ESRRG: variants seen among roughly 807,000 people sequenced by gnomAD.
ESRRG encodes the protein estrogen-related receptor gamma.
In ESRRG, 13 loss-of-function variants were observed where a neutral mutation model predicts 44.0. The ratio of observed to expected loss-of-function variants is 0.30; its 90% confidence interval spans 0.19 to 0.47. The LOEUF (loss-of-function observed/expected upper bound fraction) is 0.47, where lower values mean the gene tolerates loss of function less well. ESRRG is among the 20% of genes least tolerant of loss of function. ESRRG has a pLI of 1.00. For missense variants in ESRRG, 395 were observed against 580.6 expected (o/e 0.68, Z 3.29); for synonymous variants, 215 against 214.6 (o/e 1.00, Z -0.02).
At chr1:217,089,773 G>T (rs2092301421), upstream of ESRRG, 1 of 152,042 alleles carries the variant, frequency 6.6e-6, no homozygotes, top group Admixed American at 6.6e-5. Flanking sequence ...CGTCCCGAGC[G>T]GCTGTGCACT....
intron 2 of ESRRG, among the ~76,000 whole-genome samples, chr1:216,896,735 G>A (rs780932936): frequency 1.3e-5 from 2 of 152,122 alleles, no homozygotes; most frequent in African/African-American, 2.4e-5. Context: ...TCCAATAAGA[G>A]ATTTCATGCC....
intron 2 of ESRRG, among the ~76,000 whole-genome samples, chr1:216,831,994 T>C (rs1403526921): frequency 6.6e-6 from 1 of 152,236 alleles, no homozygotes; most frequent in Non-Finnish European, 1.5e-5. Context: ...CAAATGATTC[T>C]TCATGCTTTA....
chr1:217,092,417 T>G (rs2092362794), upstream of ESRRG, among the ~76,000 whole-genome samples: 1 of 152,166 alleles, frequency 6.6e-6, no homozygotes, highest in African/African-American at 2.4e-5. Context: ...AATGGAAGTA[T>G]TATTATCCCC....
At chr1:216,977,066 GCT>G in intron 1 of ESRRG, among the ~76,000 whole-genome samples, 1 of 152,082 alleles carries the variant, frequency 6.6e-6, no homozygotes, top group Admixed American at 6.6e-5. Context: ...AATCTTGCTC[GCT>G]CTCTCTTATT....
intron 2 of ESRRG, among the ~76,000 whole-genome samples, chr1:216,758,944 T>C (rs2092616608): frequency 6.6e-6 from 1 of 152,064 alleles, no homozygotes; most frequent in Admixed American, 6.6e-5. Context: ...AAGGTATTAT[T>C]ATCCCCATTT....
intron 3 of ESRRG, among the ~76,000 whole-genome samples, chr1:216,626,702 G>T (rs149486706): frequency 1.4e-4 from 21 of 152,240 alleles, no homozygotes; most frequent in Non-Finnish European, 1.3e-4. Flanking sequence ...TTCTTTCAAG[G>T]CAGGACTAAT....
chr1:216,634,715 G>T (rs985654508), intron 3 of ESRRG, among the ~76,000 whole-genome samples: 1 of 152,154 alleles, frequency 6.6e-6, no homozygotes, highest in Non-Finnish European at 1.5e-5. Flanking sequence ...GATGCAACTG[G>T]TGAAGGGACA....
At position 216,655,375 on chromosome 1, in the gene ESRRG, T is replaced by C. The variant is rs149191348; in HGVS notation, c.473-4286A>G. The stretch of plus-strand genomic sequence containing the variant: ...GATGCAGTACTGGCGTACTGGCAAG[T>C]ACATACATTCCCACAAACACAGGAA... On this transcript the variant is annotated intron_variant, in intron 2 of 6. Coordinates refer to ENST00000408911, the MANE Select transcript of ESRRG (RefSeq NM_001438.4). Among the ~76,000 whole-genome samples the C allele has an allele frequency of 2.6e-5, 4 of 152,274 alleles. No homozygotes were observed. In the East Asian group the frequency reaches 5.8e-4, roughly 22 times the overall value.
intron 1 of ESRRG, among the ~76,000 whole-genome samples, chr1:217,064,552 G>A (rs2089283436): frequency 6.6e-6 from 1 of 152,170 alleles, no homozygotes; most frequent in Non-Finnish European, 1.5e-5. Context: ...AGTCCTTCCT[G>A]ATGTGTTTTA....
At chr1:216,741,855 A>G (rs965173631) in intron 2 of ESRRG, among the ~76,000 whole-genome samples, 8 of 152,142 alleles carry the variant, frequency 5.3e-5, no homozygotes, top group Non-Finnish European at 7.4e-5. Context: ...TCTAAGTCCT[A>G]TTGGTTCTCA....
At chr1:216,797,307 ATTC>A (rs763284784) in intron 2 of ESRRG, among the ~76,000 whole-genome samples, 9 of 152,142 alleles carry the variant, frequency 5.9e-5, no homozygotes, top group Non-Finnish European at 7.3e-5. Flanking sequence ...ATGTTTACCT[ATTC>A]TTCTTCTGTT....
intron 1 of ESRRG, among the ~76,000 whole-genome samples, chr1:217,062,397 G>T (rs1178407231): frequency 1.3e-5 from 2 of 152,090 alleles, no homozygotes; most frequent in African/African-American, 4.8e-5. Context: ...ACAACAGCAG[G>T]ACACATTTTG....
intron 1 of ESRRG, among the ~76,000 whole-genome samples, chr1:216,942,576 T>C (rs76359995): frequency 6.6e-6 from 1 of 152,282 alleles, no homozygotes; most frequent in Admixed American, 6.5e-5. Context: ...CAAACATCTG[T>C]TATTTTTTCA....
At chr1:216,754,596 A>G (rs2092322893) in intron 2 of ESRRG, among the ~76,000 whole-genome samples, 1 of 151,924 alleles carries the variant, frequency 6.6e-6, no homozygotes, top group South Asian at 2.1e-4. Context: ...TGATTCACAG[A>G]TAATCATTCA....
At chr1:216,785,046 G>GA (rs1290187607) in intron 2 of ESRRG, among the ~76,000 whole-genome samples, 5 of 151,428 alleles carry the variant, frequency 3.3e-5, no homozygotes, top group African/African-American at 1.2e-4. Context: ...CCTAAACTAC[G>GA]AAAACAGCAA....
At chr1:216,604,487 C>T (rs1267810538) in intron 3 of ESRRG, among the ~76,000 whole-genome samples, 1 of 152,166 alleles carries the variant, frequency 6.6e-6, no homozygotes, top group African/African-American at 2.4e-5. Context: ...AGGAAACAGA[C>T]ACAAGGATAC....
In ESRRG at chr1:216,564,277, C is replaced by G; in HGVS notation, c.804G>C (p.Leu268=). ...PDSDIKALTT[L]CDLADRELVV... Reference sequence around the variant, plus strand: ...CCAACTCTCGGTCGGCCAAGTCACACAGTGTAGTGAGGGCTTTGATGTCAC... The same window carrying G: ...CCAACTCTCGGTCGGCCAAGTCACAGAGTGTAGTGAGGGCTTTGATGTCAC... Residue 268 remains leucine (L), a synonymous_variant, in exon 5 of 7, where the codon CTG becomes CTC. Coordinates refer to ENST00000408911, the MANE Select transcript of ESRRG (RefSeq NM_001438.4). The G allele has an allele frequency of 6.2e-7, 1 of 1,604,684 alleles. No individual in the cohort carries two copies. The highest frequency in any genetic ancestry group is 8.5e-7 in the Non-Finnish European group (1 of 1,175,102).
chr1:216,855,310 C>T (rs2095911775), intron 2 of ESRRG, among the ~76,000 whole-genome samples: 1 of 152,138 alleles, frequency 6.6e-6, no homozygotes, highest in Non-Finnish European at 1.5e-5. Flanking sequence ...GTAGCTCTCG[C>T]TTTAGTTTAA....
chr1:216,547,555 C>G (rs1238922030), intron 5 of ESRRG, among the ~76,000 whole-genome samples: 4 of 152,098 alleles, frequency 2.6e-5, no homozygotes, highest in Non-Finnish European at 5.9e-5. Flanking sequence ...CGTCTGCTGA[C>G]ATCACCCTGT....
Sources: allele counts gnomAD v4.1 joint callset (sites outside exome capture counted in the v4.1 genomes callset), GRCh38; gene constraint gnomAD v4.1.1; transcripts MANE v1.5; gene names NCBI Gene and HGNC (gene_info 2026-07-23, HGNC 2026-07-21).